Variants in ZDHHC14 observed in about 807,000 individuals in gnomAD.
The protein encoded by ZDHHC14 is zDHHC palmitoyltransferase 14.
In ZDHHC14, 16 loss-of-function variants were observed where a neutral mutation model predicts 47.7. The ratio of observed to expected loss-of-function variants is 0.34; its 90% CI spans 0.23 to 0.51. ZDHHC14 has a LOEUF of 0.51. ZDHHC14 is among the 20% of genes least tolerant of loss of function. The pLI, the probability that ZDHHC14 is intolerant of heterozygous loss-of-function variation, is 0.97. For synonymous variants in ZDHHC14, 293 were observed against 278.9 expected, an observed-to-expected ratio of 1.05 and a Z score of -0.50; for missense variants, 515 against 662.5, an observed-to-expected ratio of 0.78 and a Z score of 2.44.
intron 1 of ZDHHC14, among the ~76,000 whole-genome samples, chr6:157,411,847 T>C (rs2114758704): frequency 6.6e-6 from 1 of 151,772 alleles, no homozygotes; most frequent in East Asian, 1.9e-4. Context: ...GTGCAATTGG[T>C]GCATTAGTGT....
At chr6:157,577,861 A>AT (rs1484576567) in intron 2 of ZDHHC14, among the ~76,000 whole-genome samples, 1 of 151,998 alleles carries the variant, frequency 6.6e-6, no homozygotes, top group Non-Finnish European at 1.5e-5. Context: ...TGCATCTGTT[A>AT]TTTTTTTACT....
chr6:157,417,685 G>A (rs141726375), intron 1 of ZDHHC14, among the ~76,000 whole-genome samples: 272 of 152,276 alleles, frequency 1.8e-3, no homozygotes, highest in African/African-American at 6.2e-3. Flanking sequence ...TATTATCTCC[G>A]TAAAGGCGAA....
Position 157,653,401 on chromosome 6 carries a change from C to CT in ZDHHC14, c.966-123dup, listed in dbSNP as rs1275509631. 4.3e-5 allele frequency: 38 copies of CT among 875,802 alleles called. 1 individual carries two copies. The South Asian group carries it at 5.9e-4, about 14-fold the overall frequency. The allele number at this position is 875,802 out of a possible 1,614,324, so 54.3% of individuals were successfully genotyped here. On this transcript the variant is annotated intron_variant, in intron 7 of 8. Transcript: ENST00000359775. ...ACACGAAAGTGAGGAGAGGCATAGT[C>CT]TAAGTTGCCTGAGGTGGGCCTGTCA...
chr6:157,482,745 A>AT (rs201329274), intron 1 of ZDHHC14, among the ~76,000 whole-genome samples: 5,925 of 135,530 alleles, frequency 0.044, 156 homozygotes, highest in Non-Finnish European at 0.06. Flanking sequence ...TGTCAAAATC[A>AT]TTTTTTTTTT....
At chr6:157,542,915 G>A (rs886862116) in intron 2 of ZDHHC14, among the ~76,000 whole-genome samples, 170 bp downstream of exon 2, 22 of 152,350 alleles carry the variant, frequency 1.4e-4, no homozygotes, top group Admixed American at 1.2e-3. Context: ...TGAAGAAGAG[G>A]TGGGATATAA....
intron 3 of ZDHHC14, among the ~76,000 whole-genome samples, chr6:157,594,050 G>A (rs17447455): frequency 0.23 from 34,887 of 152,130 alleles, 4,272 homozygotes; most frequent in Admixed American, 0.35. Context: ...TAACTGAAAG[G>A]ATAGGAGTGC....
intron 1 of ZDHHC14, among the ~76,000 whole-genome samples, chr6:157,499,019 G>A (rs1036567926): frequency 2.0e-5 from 3 of 151,854 alleles, no homozygotes; most frequent in East Asian, 3.9e-4. Flanking sequence ...TTTGTTTGTG[G>A]TTAGATGATG....
At chr6:157,385,428 C>T (rs1040795554) in intron 1 of ZDHHC14, among the ~76,000 whole-genome samples, 1 of 152,206 alleles carries the variant, frequency 6.6e-6, no homozygotes. Flanking sequence ...CATTGTCAAA[C>T]ATTAGAATTG....
rs566892431 is a variant in ZDHHC14 at position 157,395,327 on chromosome 6, A to ATTT, written c.245+13077_245+13079dup. On this transcript the variant is annotated intron_variant, in intron 1 of 8. Coordinates refer to ENST00000359775, the MANE Select transcript of ZDHHC14 (RefSeq NM_024630.3). The stretch of plus-strand genomic sequence containing the variant: ...AGGCACACACCACCACACCTAGCTA[A>ATTT]TTTTTTTTTTTTTTTTTTAGTAGAG... 7.8e-3 allele frequency among the ~76,000 whole-genome samples: 1,034 copies of ATTT among 133,190 alleles called. 7 individuals carry two copies. The highest frequency in any genetic ancestry group is 0.021 in the East Asian group (99 of 4,632). The allele number at this position is 133,190 out of a possible 152,430, so 87.4% of individuals were successfully genotyped here. A position where few individuals can be genotyped will look rare whatever the true frequency, so the allele number is the denominator to read the frequency against.
At chr6:157,455,546 T>A (rs543323252) in intron 1 of ZDHHC14, among the ~76,000 whole-genome samples, 8 of 152,318 alleles carry the variant, frequency 5.3e-5, no homozygotes, top group Admixed American at 3.3e-4. Flanking sequence ...GAGGCCCTGA[T>A]GCCGCCGGCC....
intron 3 of ZDHHC14, among the ~76,000 whole-genome samples, chr6:157,603,711 C>T (rs1037182466): frequency 6.6e-6 from 1 of 152,168 alleles, no homozygotes; most frequent in Non-Finnish European, 1.5e-5. Context: ...AGGCAAGGCT[C>T]GGCCCCGGGC....
intron 1 of ZDHHC14, among the ~76,000 whole-genome samples, chr6:157,453,788 T>TTGTGTGTGTGTGTGTGTGTA (rs1554258660): frequency 2.0e-4 from 29 of 148,196 alleles, no homozygotes; most frequent in African/African-American, 7.3e-4. Flanking sequence ...TTTTTGTGTT[T>TTGTGTGTGTGTGTGTGTGTA]TGTGTGTGTG....
chr6:157,647,788 T>C (rs966778084), intron 7 of ZDHHC14, among the ~76,000 whole-genome samples: 5 of 152,160 alleles, frequency 3.3e-5, no homozygotes, highest in Admixed American at 6.5e-5. Flanking sequence ...GAAATGTTCA[T>C]AGGGAGAAAG....
At chr6:157,618,622 A>C (rs1785062147) in intron 3 of ZDHHC14, among the ~76,000 whole-genome samples, 1 of 152,168 alleles carries the variant, frequency 6.6e-6, no homozygotes, top group Non-Finnish European at 1.5e-5. Flanking sequence ...GCGCCCGGCC[A>C]CATGACGGAT....
intron 1 of ZDHHC14, among the ~76,000 whole-genome samples, chr6:157,428,420 T>A (rs1017868315): frequency 3.9e-5 from 6 of 152,102 alleles, no homozygotes; most frequent in African/African-American, 1.2e-4. Context: ...CTTTAATATA[T>A]GTCATTAGGT....
At chr6:157,457,463 A>G (rs747926261) in intron 1 of ZDHHC14, among the ~76,000 whole-genome samples, 2 of 152,220 alleles carry the variant, frequency 1.3e-5, no homozygotes, top group Non-Finnish European at 2.9e-5. Flanking sequence ...CATGTTTTAA[A>G]ACGGACAATA....
intron 1 of ZDHHC14, among the ~76,000 whole-genome samples, chr6:157,513,889 A>G (rs1394857736): frequency 6.6e-6 from 1 of 152,162 alleles, no homozygotes; most frequent in Non-Finnish European, 1.5e-5. Context: ...AGCTGTTTCC[A>G]GTCCCTCATT....
At chr6:157,481,256 G>A in intron 1 of ZDHHC14, among the ~76,000 whole-genome samples, 1 of 152,186 alleles carries the variant, frequency 6.6e-6, no homozygotes, top group East Asian at 1.9e-4. Flanking sequence ...CAAACTTTCT[G>A]TAGATGAGCA....
chr6:157,522,385 C>T (rs28396764), intron 1 of ZDHHC14, among the ~76,000 whole-genome samples: 83,509 of 151,950 alleles, frequency 0.55, 23,108 homozygotes, highest in African/African-American at 0.6. Context: ...GAAACTGGTA[C>T]ATCTAGGTTC....
Sources: gnomAD v4.1 joint callset for allele counts (sites outside exome capture counted in the v4.1 genomes callset) on GRCh38, gnomAD v4.1.1 for gene constraint, MANE v1.5 for transcripts, NCBI Gene and HGNC (gene_info 2026-07-23, HGNC 2026-07-21) for gene names.